The following PEBP4 variants were observed in gnomAD, a reference collection of about 807,000 sequenced individuals.
PEBP4 encodes the protein phosphatidylethanolamine-binding protein 4.
PEBP4 carries 22 observed loss-of-function variants against 23.9 expected under a neutral mutation model. The ratio of observed to expected loss-of-function variants is 0.92; its 90% CI spans 0.66 to 1.31. The LOEUF (loss-of-function observed/expected upper bound fraction) is 1.31, where lower values mean the gene tolerates loss of function less well. Among genes scored for constraint, PEBP4 ranks in the 40% most tolerant of loss-of-function variants. The probability of loss-of-function intolerance (pLI) is 0.00; values close to 1 mark genes in which losing one functional copy is unlikely to be tolerated. For synonymous variants in PEBP4, 112 were observed against 99.3 expected, an observed-to-expected ratio of 1.13 and a Z score of -0.76; for missense variants, 324 against 281.7, an observed-to-expected ratio of 1.15 and a Z score of -1.07.
At chr8:22,781,374 G>T (rs1207486165) in intron 4 of PEBP4, among the ~76,000 whole-genome samples, 3 of 152,180 alleles carry the variant, frequency 2.0e-5, no homozygotes, top group Non-Finnish European at 4.4e-5. Context: ...GGGACACGGG[G>T]GTGGGCTCCA....
chr8:22,930,699 G>A (rs986795222), upstream of PEBP4, among the ~76,000 whole-genome samples: 1 of 152,112 alleles, frequency 6.6e-6, no homozygotes, highest in Non-Finnish European at 1.5e-5. Flanking sequence ...TGTGCAGAGA[G>A]ATCTGGCAGA....
intron 3 of PEBP4, among the ~76,000 whole-genome samples, chr8:22,890,425 A>G (rs1179897249): frequency 6.6e-6 from 1 of 152,244 alleles, no homozygotes; most frequent in Non-Finnish European, 1.5e-5. Flanking sequence ...CTCAAGTCAT[A>G]GACTTACAAA....
intron 3 of PEBP4, among the ~76,000 whole-genome samples, chr8:22,824,670 G>C (rs888683444): frequency 6.6e-6 from 1 of 152,180 alleles, no homozygotes; most frequent in African/African-American, 2.4e-5. Flanking sequence ...ATGTGGAGGT[G>C]ATGGGAGACA....
intron 3 of PEBP4, among the ~76,000 whole-genome samples, chr8:22,889,730 A>G (rs1808454644): frequency 6.6e-6 from 1 of 152,224 alleles, no homozygotes; most frequent in Non-Finnish European, 1.5e-5. Flanking sequence ...GCCGGTAAAT[A>G]AAGTTCCTAT....
intron 3 of PEBP4, among the ~76,000 whole-genome samples, chr8:22,840,177 C>T (rs148155274): frequency 0.016 from 2,501 of 152,194 alleles, 30 homozygotes; most frequent in South Asian, 0.029. Flanking sequence ...GTGTAAAACA[C>T]GGTTCAGGTT....
chr8:22,744,216 C>T (rs1330475814), intron 4 of PEBP4, among the ~76,000 whole-genome samples: 4 of 152,224 alleles, frequency 2.6e-5, no homozygotes, highest in Admixed American at 2.6e-4. Flanking sequence ...CATAGACAAG[C>T]CCCTGGGGGA....
At chr8:22,902,533 T>C (rs898796519) in intron 3 of PEBP4, among the ~76,000 whole-genome samples, 1 of 152,090 alleles carries the variant, frequency 6.6e-6, no homozygotes, top group African/African-American at 2.4e-5. Context: ...TAGGATCTGA[T>C]GCCTGGTTAG....
At chr8:22,877,745 C>G (rs1398429467) in intron 3 of PEBP4, among the ~76,000 whole-genome samples, 1 of 152,150 alleles carries the variant, frequency 6.6e-6, no homozygotes, top group African/African-American at 2.4e-5. Context: ...GAATTGACAA[C>G]AGCTTCTCGC....
intron 6 of PEBP4, among the ~76,000 whole-genome samples, chr8:22,721,057 A>C (rs1804507490): frequency 6.6e-6 from 1 of 152,012 alleles, no homozygotes; most frequent in Non-Finnish European, 1.5e-5. Flanking sequence ...GAAGTGGGGT[A>C]GCTCTAAGCC....
intron 4 of PEBP4, among the ~76,000 whole-genome samples, chr8:22,784,729 A>AT (rs1288425272): frequency 6.6e-6 from 1 of 152,262 alleles, no homozygotes; most frequent in Admixed American, 6.5e-5. Flanking sequence ...AAACAGAAGC[A>AT]TCCAGGAAAA....
intron 4 of PEBP4, among the ~76,000 whole-genome samples, chr8:22,789,961 C>T (rs1276252147): frequency 1.3e-5 from 2 of 152,186 alleles, no homozygotes; most frequent in African/African-American, 2.4e-5. Context: ...GGGTGTTGGG[C>T]CTGGCCTTCC....
At chr8:22,811,311 G>A (rs1171811812) in intron 4 of PEBP4, among the ~76,000 whole-genome samples, 1 of 152,178 alleles carries the variant, frequency 6.6e-6, no homozygotes, top group Non-Finnish European at 1.5e-5. Context: ...CTCAGCATAC[G>A]AGAGCTAATT....
At chr8:22,841,755 G>A (rs1807334178) in intron 3 of PEBP4, among the ~76,000 whole-genome samples, 2 of 152,232 alleles carry the variant, frequency 1.3e-5, no homozygotes, top group Admixed American at 6.5e-5. Flanking sequence ...GGATAAGAAT[G>A]GCTACAGACT....
At chr8:22,890,472 G>GCATTCTC (rs777451895) in intron 3 of PEBP4, among the ~76,000 whole-genome samples, 3 of 152,218 alleles carry the variant, frequency 2.0e-5, no homozygotes, top group Non-Finnish European at 4.4e-5. Context: ...GAAATCTGGT[G>GCATTCTC]CATTCTCCAT....
intron 4 of PEBP4, among the ~76,000 whole-genome samples, chr8:22,789,771 T>C (rs1226092031): frequency 6.6e-6 from 1 of 152,222 alleles, no homozygotes; most frequent in Admixed American, 6.5e-5. Flanking sequence ...GTGACAGACA[T>C]GATTCTCCTT....
At chr8:22,911,426 C>T (rs529584362) in intron 3 of PEBP4, among the ~76,000 whole-genome samples, 2,749 of 152,328 alleles carry the variant, frequency 0.018, 87 homozygotes, top group African/African-American at 0.061. Flanking sequence ...CAGTGGGCAC[C>T]TCCTCCCAGC....
Position 22,927,710 on chromosome 8 carries a change from C to G in PEBP4, c.5G>C (p.Gly2Ala). The G allele has an allele frequency of 6.2e-7, 1 of 1,613,568 alleles. No individual in the cohort carries two copies. Among genetic ancestry groups the G allele is most frequent in the South Asian group, 1.1e-5 (1 of 90,964 alleles). MGWTMRLVTAAL... is the reference protein window; with the variant it reads MAWTMRLVTAAL... Reference sequence around the variant, plus strand: ...TGCTGTGACCAGCCTCATTGTCCAACCCATGGGCACCTGGAACAGAAAGAA... The same window carrying G: ...TGCTGTGACCAGCCTCATTGTCCAAGCCATGGGCACCTGGAACAGAAAGAA... The change falls in exon 2 of 7, where the codon GGT becomes GCT. Residue 2 changes from glycine to alanine, a missense_variant. Transcript: ENST00000256404.
intron 4 of PEBP4, among the ~76,000 whole-genome samples, chr8:22,785,528 A>C (rs1806010499): frequency 6.6e-6 from 1 of 152,186 alleles, no homozygotes; most frequent in Non-Finnish European, 1.5e-5. Flanking sequence ...CAGATCCGCC[A>C]TGTGCTCCCT....
At chr8:22,855,542 G>A (rs1225141633) in intron 3 of PEBP4, among the ~76,000 whole-genome samples, 1 of 152,088 alleles carries the variant, frequency 6.6e-6, no homozygotes, top group Non-Finnish European at 1.5e-5. Flanking sequence ...TGGAGGCTGT[G>A]CACCCCTGAG....
Sources: gnomAD v4.1 joint callset for allele counts (sites outside exome capture counted in the v4.1 genomes callset) on GRCh38, gnomAD v4.1.1 for gene constraint, MANE v1.5 for transcripts, NCBI Gene and HGNC (gene_info 2026-07-23, HGNC 2026-07-21) for gene names.